The following PIAS2 variants were observed in gnomAD, a reference collection of about 807,000 sequenced individuals.
The protein encoded by PIAS2 is E3 SUMO-protein ligase PIAS2.
PIAS2 carries 19 observed loss-of-function variants against 69.7 expected under a neutral mutation model. The observed-to-expected ratio is 0.27, with a 90% CI of 0.19 to 0.40. PIAS2 has a LOEUF of 0.40. PIAS2 is among the 10% of genes least tolerant of loss of function. PIAS2 has a pLI of 1.00. For missense variants in PIAS2, 624 were observed against 757.0 expected (o/e 0.82, Z 2.06); for synonymous variants, 261 against 263.2 (o/e 0.99, Z 0.08).
At chr18:46,896,000 A>G (rs1285506627) in intron 1 of PIAS2, among the ~76,000 whole-genome samples, 1 of 152,094 alleles carries the variant, frequency 6.6e-6, no homozygotes. Flanking sequence ...AAGAGAAACA[A>G]TAAAAAAAAT....
chr18:46,844,523 A>G (rs2045891022), intron 7 of PIAS2, among the ~76,000 whole-genome samples: 1 of 152,112 alleles, frequency 6.6e-6, no homozygotes, highest in Non-Finnish European at 1.5e-5. Context: ...AAAGATAAAA[A>G]TATTTATACT....
intron 3 of PIAS2, among the ~76,000 whole-genome samples, chr18:46,856,003 T>TTC: frequency 8.6e-6 from 1 of 115,820 alleles, no homozygotes; most frequent in Non-Finnish European, 1.9e-5. Flanking sequence ...TTTTGTTTTT[T>TTC]TTTTTTTTTT....
In PIAS2 at chr18:46,846,903, CAAGA is replaced by C. The variant is rs2046239567; in HGVS notation, c.727-66_727-63del. 3 of 1,444,672 alleles carry C rather than the reference CAAGA, an allele frequency of 2.1e-6. No homozygotes were observed. In the Admixed American group the frequency reaches 6.9e-5, roughly 33 times the overall value. The allele number at this position is 1,444,672 out of a possible 1,614,324, so 89.5% of individuals were successfully genotyped here. A position where few individuals can be genotyped will look rare whatever the true frequency, so the allele number is the denominator to read the frequency against. ...CTGCAGGAAGATTAAACATTTTCTC[CAAGA>C]TAGATACAGGATCCTGCCCAATTTC... On this transcript the variant is annotated intron_variant, in intron 5 of 13. Transcript: ENST00000585916.
At chr18:46,839,885 G>A (rs1488462657) in intron 8 of PIAS2, among the ~76,000 whole-genome samples, 11 of 149,580 alleles carry the variant, frequency 7.4e-5, no homozygotes, top group Non-Finnish European at 1.5e-4. Context: ...AAAAAAGGCC[G>A]GGCACAGTGG....
At chr18:46,853,348 T>A (rs372216088) in intron 5 of PIAS2, 7 of 151,894 alleles carry the variant, frequency 4.6e-5, no homozygotes, top group African/African-American at 1.7e-4. Flanking sequence ...GAAAAATGGT[T>A]ATGAAAAGGC....
At chr18:46,918,183 A>G (rs1031085941), upstream of PIAS2, 1 of 152,192 alleles carries the variant, frequency 6.6e-6, no homozygotes, top group Non-Finnish European at 1.5e-5. Context: ...GAGTAAGTAG[A>G]TAGAAGGAAG....
intron 3 of PIAS2, among the ~76,000 whole-genome samples, chr18:46,859,194 C>T (rs752604177): frequency 9.9e-5 from 15 of 151,998 alleles, no homozygotes; most frequent in South Asian, 2.1e-4. Context: ...TTTGGGAGGC[C>T]GAAGCGGGTG....
intron 12 of PIAS2, chr18:46,818,501 G>T: frequency 3.5e-6 from 5 of 1,447,350 alleles, no homozygotes; most frequent in South Asian, 1.6e-5. Flanking sequence ...GTTAAGAAAT[G>T]TATTAAAACT....
chr18:46,907,238 A>G (rs561766318), intron 1 of PIAS2, among the ~76,000 whole-genome samples: 1 of 152,366 alleles, frequency 6.6e-6, no homozygotes, highest in African/African-American at 2.4e-5. Flanking sequence ...TGGAAAAGAC[A>G]GATGTCCCAA....
intron 13 of PIAS2, among the ~76,000 whole-genome samples, chr18:46,815,090 A>G (rs2144720668): frequency 6.6e-6 from 1 of 152,336 alleles, no homozygotes; most frequent in Non-Finnish European, 1.5e-5. Flanking sequence ...TAAGCTAAAT[A>G]AAACAGAATT....
chr18:46,892,598 C>T (rs910753188), intron 1 of PIAS2, among the ~76,000 whole-genome samples: 1 of 151,770 alleles, frequency 6.6e-6, no homozygotes, highest in South Asian at 2.1e-4. Flanking sequence ...CATACTAACA[C>T]CCCGTCTCCA....
At position 46,807,352 on chromosome 18, in the gene PIAS2, ATTTTAT is replaced by A. The variant is rs961268342; in HGVS notation, c.*5075_*5080del. 1 of 65,664 alleles carries A rather than the reference ATTTTAT, an allele frequency of 1.5e-5. No homozygotes were observed. 4.1% of individuals were successfully genotyped at this position (65,664 alleles called of 1,614,324 possible). A position where few individuals can be genotyped will look rare whatever the true frequency, so the allele number is the denominator to read the frequency against. ...CGTAGGTGTTTCTGAAACATGTCAGATTTTATATATATATATATATATATATATATA... is the reference window on the plus strand; with the variant it reads ...CGTAGGTGTTTCTGAAACATGTCAGAATATATATATATATATATATATATA... On this transcript the variant is annotated 3_prime_UTR_variant, in exon 14 of 14. Coordinates refer to ENST00000585916, the MANE Select transcript of PIAS2 (RefSeq NM_004671.5).
At chr18:46,898,600 A>C (rs2056812453) in intron 1 of PIAS2, among the ~76,000 whole-genome samples, 1 of 152,244 alleles carries the variant, frequency 6.6e-6, no homozygotes, top group Non-Finnish European at 1.5e-5. Flanking sequence ...CAAATGGCTG[A>C]AAAAGAGTAT....
intron 1 of PIAS2, among the ~76,000 whole-genome samples, chr18:46,913,745 G>C (rs1005276571): frequency 6.6e-6 from 1 of 152,160 alleles, no homozygotes; most frequent in African/African-American, 2.4e-5. Context: ...TCTGGTTAAA[G>C]AAGAGGTAAG....
intron 3 of PIAS2, among the ~76,000 whole-genome samples, chr18:46,858,229 A>AC (rs1296771691): frequency 1.3e-5 from 2 of 151,966 alleles, no homozygotes; most frequent in Non-Finnish European, 2.9e-5. Context: ...GATTAAAAAA[A>AC]AAAAAAAGCA....
At chr18:46,870,850 C>T (rs1218795131) in intron 2 of PIAS2, among the ~76,000 whole-genome samples, 1 of 151,956 alleles carries the variant, frequency 6.6e-6, no homozygotes, top group Non-Finnish European at 1.5e-5. Flanking sequence ...TGCAGCCGAC[C>T]AAAAATTTCC....
chr18:46,862,254 C>T (rs1020944701), intron 3 of PIAS2, among the ~76,000 whole-genome samples: 1 of 152,112 alleles, frequency 6.6e-6, no homozygotes, highest in East Asian at 1.9e-4. Flanking sequence ...TCGCCTGAAA[C>T]CGGGAGGTGG....
At chr18:46,863,156 G>A (rs1257091911) in intron 3 of PIAS2, among the ~76,000 whole-genome samples, 5 of 152,038 alleles carry the variant, frequency 3.3e-5, no homozygotes, top group Non-Finnish European at 1.5e-5. Context: ...TGGTCAGGAT[G>A]ACTATACAGC....
At position 46,811,349 on chromosome 18, in the gene PIAS2, GATC is replaced by G. The variant is rs1434000919; in HGVS notation, c.*1081_*1083del. On this transcript the variant is annotated 3_prime_UTR_variant, in exon 14 of 14. Transcript: ENST00000585916. Reference sequence around the variant, plus strand: ...CTGAAATTACATTGGTGAGAAATATGATCATCATAAATCTAAAACACATTTTCT... The same window carrying G: ...CTGAAATTACATTGGTGAGAAATATGATCATAAATCTAAAACACATTTTCT... The G allele has an allele frequency of 6.6e-6, 1 of 151,556 alleles. No individual in the cohort carries two copies. The highest frequency in any genetic ancestry group is 1.5e-5 in the Non-Finnish European group (1 of 67,936). 9.4% of individuals were successfully genotyped at this position (151,556 alleles called of 1,614,324 possible).
Sources: gnomAD v4.1 joint callset for allele counts (sites outside exome capture counted in the v4.1 genomes callset) on GRCh38, gnomAD v4.1.1 for gene constraint, MANE v1.5 for transcripts, NCBI Gene and HGNC (gene_info 2026-07-23, HGNC 2026-07-21) for gene names.